EGFR: variants seen among roughly 807,000 people sequenced by gnomAD.
The protein encoded by EGFR is epidermal growth factor receptor, also known as avian erythroblastic leukemia viral (v-erb-b) oncogene homolog.
EGFR carries 58 observed loss-of-function variants against 143.0 expected under a neutral mutation model. That is an observed-to-expected ratio of 0.41 (90% CI 0.33 to 0.50). EGFR has a LOEUF of 0.50. EGFR is among the 20% of genes least tolerant of loss of function. The pLI, the probability that EGFR is intolerant of heterozygous loss-of-function variation, is 0.39. For missense variants in EGFR, 1,307 were observed against 1,579.0 expected, an observed-to-expected ratio of 0.83 and a Z score of 2.92; for synonymous variants, 613 against 594.4, an observed-to-expected ratio of 1.03 and a Z score of -0.45.
chr7:55,040,049 T>G (rs1444072500), intron 1 of EGFR, among the ~76,000 whole-genome samples: 1 of 152,188 alleles, frequency 6.6e-6, no homozygotes, highest in Non-Finnish European at 1.5e-5. Flanking sequence ...CCCGCATGTG[T>G]CCCGGTTTGA....
intron 1 of EGFR, among the ~76,000 whole-genome samples, chr7:55,034,775 T>A (rs1327025375): frequency 1.3e-5 from 2 of 152,254 alleles, no homozygotes; most frequent in African/African-American, 4.8e-5. Flanking sequence ...AAGTTATTTT[T>A]AAAGTTGTTT....
chr7:55,070,649 C>T (rs561945810), intron 1 of EGFR, among the ~76,000 whole-genome samples: 1 of 152,272 alleles, frequency 6.6e-6, no homozygotes, highest in Admixed American at 6.5e-5. Context: ...TGTGCGCAGG[C>T]GATTATTTGC....
At position 55,143,573 on chromosome 7, in the gene EGFR, C is replaced by T. The variant is rs1794590795; in HGVS notation, c.424+85C>T. The T allele has an allele frequency of 2.7e-6, 4 of 1,486,246 alleles. No homozygotes were observed. In the South Asian group the frequency reaches 3.5e-5, roughly 13 times the overall value. The allele number at this position is 1,486,246 out of a possible 1,614,324, so 92.1% of individuals were successfully genotyped here. A position where few individuals can be genotyped will look rare whatever the true frequency, so the allele number is the denominator to read the frequency against. On this transcript the variant is annotated intron_variant, in intron 3 of 27. Transcript: ENST00000275493. ...TCCCAGCGAGCTTGTCACTCAATTC[C>T]ACCTCGGAGAAGGCTTTTATTTTTA...
At chr7:55,202,690 T>C in intron 27 of EGFR, 65 bp downstream of exon 27, 1 of 1,464,142 alleles carries the variant, frequency 6.8e-7, no homozygotes, top group East Asian at 2.5e-5. Flanking sequence ...CAGCAGCCAG[T>C]CTCCAGTGTC....
At chr7:55,049,423 A>G (rs73131843) in intron 1 of EGFR, among the ~76,000 whole-genome samples, 28,453 of 152,172 alleles carry the variant, frequency 0.19, 3,163 homozygotes, top group African/African-American at 0.31. Flanking sequence ...CTCCCACTGC[A>G]CTCAGCAGTG....
intron 1 of EGFR, among the ~76,000 whole-genome samples, chr7:55,091,661 A>C (rs1584015835): frequency 6.6e-6 from 1 of 152,208 alleles, no homozygotes; most frequent in African/African-American, 2.4e-5. Context: ...ACTACATTCT[A>C]AAATCTGGTC....
chr7:55,027,749 G>C (rs557193370), intron 1 of EGFR, among the ~76,000 whole-genome samples: 4 of 151,952 alleles, frequency 2.6e-5, no homozygotes, highest in African/African-American at 9.7e-5. Context: ...TTCTAGACAC[G>C]ATAAATACAT....
At chr7:55,022,067 A>G (rs1786600628) in intron 1 of EGFR, among the ~76,000 whole-genome samples, 1 of 152,124 alleles carries the variant, frequency 6.6e-6, no homozygotes, top group African/African-American at 2.4e-5. Context: ...GCCTGTCTGA[A>G]GCTTCAACGC....
At chr7:55,177,240 C>T (rs1786639779) in intron 19 of EGFR, among the ~76,000 whole-genome samples, 1 of 152,122 alleles carries the variant, frequency 6.6e-6, no homozygotes, top group African/African-American at 2.4e-5. Context: ...CAGGGCACCA[C>T]ACTGGGATGG....
At chr7:55,100,875 A>C (rs976709856) in intron 1 of EGFR, among the ~76,000 whole-genome samples, 1 of 152,274 alleles carries the variant, frequency 6.6e-6, no homozygotes, top group Non-Finnish European at 1.5e-5. Flanking sequence ...TGCCAGAGGC[A>C]ATATGCTCCA....
At chr7:55,090,089 C>A (rs1254444003) in intron 1 of EGFR, among the ~76,000 whole-genome samples, 1 of 152,098 alleles carries the variant, frequency 6.6e-6, no homozygotes, top group African/African-American at 2.4e-5. Context: ...CTGCCTCAGC[C>A]TCCTCAGTAG....
At chr7:55,176,583 G>A (rs556724976) in intron 19 of EGFR, among the ~76,000 whole-genome samples, 3 of 152,046 alleles carry the variant, frequency 2.0e-5, no homozygotes, top group South Asian at 2.1e-4. Flanking sequence ...GCTGGGTGTG[G>A]TGTCTCATGC....
At chr7:55,097,365 C>A (rs1304241244) in intron 1 of EGFR, among the ~76,000 whole-genome samples, 1 of 152,168 alleles carries the variant, frequency 6.6e-6, no homozygotes, top group Non-Finnish European at 1.5e-5. Context: ...CTGATAAATC[C>A]TCCCCCATAA....
chr7:55,065,092 A>G (rs916123542), intron 1 of EGFR, among the ~76,000 whole-genome samples: 214 of 152,352 alleles, frequency 1.4e-3, no homozygotes, highest in African/African-American at 5.0e-3. Flanking sequence ...AGTCAACTCA[A>G]GTTATCTGAA....
At chr7:55,151,063 C>T (rs1318061014) in intron 4 of EGFR, among the ~76,000 whole-genome samples, 1 of 152,218 alleles carries the variant, frequency 6.6e-6, no homozygotes, top group Non-Finnish European at 1.5e-5. Flanking sequence ...TCAGTAATTA[C>T]TCTCTGCCTC....
chr7:55,121,390 G>A (rs543538506), intron 1 of EGFR, among the ~76,000 whole-genome samples: 35 of 152,212 alleles, frequency 2.3e-4, no homozygotes, highest in Admixed American at 2.0e-3. Flanking sequence ...ATCATATGGC[G>A]TTTCAGTGGC....
At chr7:55,131,676 T>C (rs1793844750) in intron 1 of EGFR, among the ~76,000 whole-genome samples, 1 of 152,178 alleles carries the variant, frequency 6.6e-6, no homozygotes. Context: ...AGCAATTCAA[T>C]TCACTGGCTG....
chr7:55,147,510 CAAA>C (rs3063067), intron 4 of EGFR, among the ~76,000 whole-genome samples: 1 of 137,694 alleles, frequency 7.3e-6, no homozygotes, highest in South Asian at 2.3e-4. Flanking sequence ...GCCCTCAGAA[CAAA>C]AAAAAAAAAA....
In EGFR at chr7:55,191,882, G is replaced by T. The variant is rs104886014; in HGVS notation, c.2625+8G>T. The T allele has an allele frequency of 6.2e-7, 1 of 1,613,190 alleles. No homozygotes were observed. The highest frequency in any genetic ancestry group is 1.1e-5 in the South Asian group (1 of 91,072). On this transcript the variant is annotated splice_region_variant and intron_variant, in intron 21 of 27. Transcript: ENST00000275493. ...CATGCAGAAGGAGGCAAAGTAAGGA[G>T]GTGGCTTTAGGTCAGCCAGCATTTT... is the stretch of plus-strand genomic sequence containing the variant.
Sources: gnomAD v4.1 joint callset for allele counts (sites outside exome capture counted in the v4.1 genomes callset) on GRCh38, gnomAD v4.1.1 for gene constraint, MANE v1.5 for transcripts, NCBI Gene and HGNC (gene_info 2026-07-23, HGNC 2026-07-21) for gene names.